The following KCNIP4 variants were observed in gnomAD, a reference collection of about 807,000 sequenced individuals.
KCNIP4 encodes potassium voltage-gated channel interacting protein 4.
Under a neutral mutation model 34.0 loss-of-function variants are expected in KCNIP4, and 12 were observed. That is an observed-to-expected ratio of 0.35 (90% CI 0.23 to 0.57). KCNIP4 has a LOEUF of 0.57. KCNIP4 is among the 20% of genes least tolerant of loss of function. The pLI, the probability that KCNIP4 is intolerant of heterozygous loss-of-function variation, is 0.83. For synonymous variants in KCNIP4, 124 were observed against 102.2 expected (o/e 1.21, Z -1.29); for missense variants, 238 against 311.7 (o/e 0.76, Z 1.78).
intron 1 of KCNIP4, among the ~76,000 whole-genome samples, chr4:21,417,179 A>G (rs1438655017): frequency 6.6e-6 from 1 of 152,030 alleles, no homozygotes; most frequent in African/African-American, 2.4e-5. Flanking sequence ...TAGGGAATCC[A>G]TATTTCACAT....
chr4:20,996,942 C>T lies in KCNIP4; in HGVS notation c.62-114233G>A, dbSNP rs151205952. 9.4e-3 allele frequency among the ~76,000 whole-genome samples: 1,434 copies of T among 152,198 alleles called. 22 individuals are homozygous for T. The highest frequency in any genetic ancestry group is 0.033 in the African/African-American group (1,354 of 41,538). On this transcript the variant is annotated intron_variant, in intron 1 of 8. Coordinates refer to ENST00000382152, the MANE Select transcript of KCNIP4 (RefSeq NM_025221.6). ...TTGTTGAATGAATGATGGCATAAGA[C>T]AGGGTTCTTTCCTCACGCAGGCATT... is the stretch of plus-strand genomic sequence containing the variant.
At chr4:21,451,650 T>C (rs1462930962) in intron 1 of KCNIP4, among the ~76,000 whole-genome samples, 4 of 152,136 alleles carry the variant, frequency 2.6e-5, no homozygotes, top group African/African-American at 9.7e-5. Flanking sequence ...TTGTCCATAA[T>C]AACAGATGAA....
At chr4:21,261,669 C>T (rs761506653) in intron 1 of KCNIP4, among the ~76,000 whole-genome samples, 2 of 152,126 alleles carry the variant, frequency 1.3e-5, no homozygotes, top group African/African-American at 2.4e-5. Flanking sequence ...ATATTATGTT[C>T]GACTTCTTTC....
At chr4:20,870,295 A>C (rs907854050) in intron 2 of KCNIP4, among the ~76,000 whole-genome samples, 2 of 151,844 alleles carry the variant, frequency 1.3e-5, no homozygotes, top group African/African-American at 4.8e-5. Flanking sequence ...TAGTTGTTAA[A>C]AGTGTGTAGC....
At chr4:20,937,486 G>T (rs976852175) in intron 1 of KCNIP4, among the ~76,000 whole-genome samples, 1 of 151,416 alleles carries the variant, frequency 6.6e-6, no homozygotes, top group African/African-American at 2.4e-5. Flanking sequence ...CACCCGCCTC[G>T]GCCTCCTAAA....
At chr4:21,859,078 T>C (rs1275021456) in intron 1 of KCNIP4, among the ~76,000 whole-genome samples, 1 of 152,172 alleles carries the variant, frequency 6.6e-6, no homozygotes, top group Admixed American at 6.5e-5. Context: ...GATAAGGGAA[T>C]TTTATCAGAC....
At chr4:21,247,308 C>A (rs1760278945) in intron 1 of KCNIP4, among the ~76,000 whole-genome samples, 1 of 151,842 alleles carries the variant, frequency 6.6e-6, no homozygotes. Context: ...CCAGTCATTG[C>A]CTAACAATTT....
chr4:20,978,513 T>C (rs145430442), intron 1 of KCNIP4, among the ~76,000 whole-genome samples: 1 of 152,342 alleles, frequency 6.6e-6, no homozygotes, highest in Non-Finnish European at 1.5e-5. Flanking sequence ...CATTTTATCG[T>C]TGTTCCAGGA....
At chr4:21,176,924 T>A (rs1354335780) in intron 1 of KCNIP4, among the ~76,000 whole-genome samples, 1 of 152,248 alleles carries the variant, frequency 6.6e-6, no homozygotes, top group Non-Finnish European at 1.5e-5. Flanking sequence ...CTCACATGTT[T>A]ACATGTTTAT....
At chr4:20,756,172 TAAAA>T (rs61417409) in intron 4 of KCNIP4, among the ~76,000 whole-genome samples, 4 of 139,310 alleles carry the variant, frequency 2.9e-5, no homozygotes, top group Non-Finnish European at 6.3e-5. Context: ...TGGAAAGTAG[TAAAA>T]AAAAAAAAAG....
chr4:21,818,843 T>C (rs540420917), intron 1 of KCNIP4, among the ~76,000 whole-genome samples: 2 of 150,910 alleles, frequency 1.3e-5, no homozygotes, highest in South Asian at 2.1e-4. Context: ...TCTGTGAGAC[T>C]AGTAAAAAAC....
chr4:21,774,907 T>C (rs905864258), intron 1 of KCNIP4, among the ~76,000 whole-genome samples: 3 of 152,174 alleles, frequency 2.0e-5, no homozygotes, highest in Non-Finnish European at 1.5e-5. Context: ...TTTAGTTCAG[T>C]GTACTTTTTT....
rs1239855769 is a variant in KCNIP4, at chr4:20,729,232, CTGGAGGATAGAT to C, written c.*838_*849del. On this transcript the variant is annotated 3_prime_UTR_variant, in exon 9 of 9. Transcript: ENST00000382152. ...ACTTGTTATTAAGCATTACTATATACTGGAGGATAGATATCCTGACCCTTTGCATATGTCTGT... is the reference window on the plus strand; with the variant it reads ...ACTTGTTATTAAGCATTACTATATACATCCTGACCCTTTGCATATGTCTGT... The C allele has an allele frequency of 6.6e-6, 1 of 152,066 alleles. No individual in the cohort carries two copies. Among genetic ancestry groups the C allele is most frequent in the Non-Finnish European group, 1.5e-5 (1 of 68,014 alleles). 9.4% of individuals were successfully genotyped at this position (152,066 alleles called of 1,614,324 possible).
At chr4:21,941,574 C>G (rs1730206673) in intron 1 of KCNIP4, among the ~76,000 whole-genome samples, 1 of 151,494 alleles carries the variant, frequency 6.6e-6, no homozygotes, top group African/African-American at 2.4e-5. Flanking sequence ...GGGACATTTC[C>G]CTAAGCCAAT....
intron 1 of KCNIP4, among the ~76,000 whole-genome samples, chr4:21,090,487 GT>G (rs1746901311): frequency 6.6e-6 from 1 of 152,162 alleles, no homozygotes; most frequent in African/African-American, 2.4e-5. Flanking sequence ...AACCATGTGT[GT>G]TCTCACCAGA....
rs4696978 is a variant in KCNIP4 at position 21,410,848 on chromosome 4, G to A, written c.62-528139C>T. 7.3e-3 allele frequency among the ~76,000 whole-genome samples: 1,104 copies of A among 152,226 alleles called. 43 individuals are homozygous for A. The highest frequency in any genetic ancestry group is 0.067 in the Admixed American group (1,023 of 15,262). The stretch of plus-strand genomic sequence containing the variant: ...TTTCTGACCTTTCAGATATCCTGTA[G>A]GTACCTGAAGTGGCAAATGTTGGGA... On this transcript the variant is annotated intron_variant, in intron 1 of 8. Transcript: ENST00000382152.
At chr4:20,865,190 G>C (rs575279838) in intron 2 of KCNIP4, among the ~76,000 whole-genome samples, 5 of 152,166 alleles carry the variant, frequency 3.3e-5, no homozygotes, top group African/African-American at 1.2e-4. Flanking sequence ...TTAAACCCAA[G>C]CTTACTGACT....
chr4:21,186,374 T>A (rs1169767884), intron 1 of KCNIP4, among the ~76,000 whole-genome samples: 1 of 152,182 alleles, frequency 6.6e-6, no homozygotes, highest in South Asian at 2.1e-4. Context: ...TACAGCATTA[T>A]CTCAGAGAGT....
chr4:21,237,007 G>GAAAA (rs370053593), intron 1 of KCNIP4, among the ~76,000 whole-genome samples: 7 of 136,144 alleles, frequency 5.1e-5, no homozygotes, highest in African/African-American at 1.8e-4. Flanking sequence ...CTCCATCATG[G>GAAAA]AAAAAAAAAA....
Sources: gnomAD v4.1 joint callset for allele counts (sites outside exome capture counted in the v4.1 genomes callset) on GRCh38, gnomAD v4.1.1 for gene constraint, MANE v1.5 for transcripts, NCBI Gene and HGNC (gene_info 2026-07-23, HGNC 2026-07-21) for gene names.